TLK1: variants seen among roughly 807,000 people sequenced by gnomAD.
The protein encoded by TLK1 is serine/threonine-protein kinase tousled-like 1.
A neutral mutation model predicts 105.3 loss-of-function variants in TLK1; 24 were observed. The ratio of observed to expected loss-of-function variants is 0.23; its 90% CI spans 0.17 to 0.32. The LOEUF (loss-of-function observed/expected upper bound fraction) is 0.32, where lower values mean the gene tolerates loss of function less well. TLK1 is among the 10% of genes least tolerant of loss of function. The pLI is 1.00. For missense variants in TLK1, 558 were observed against 910.5 expected (o/e 0.61, Z 4.98); for synonymous variants, 321 against 310.4 (o/e 1.03, Z -0.36).
intron 1 of TLK1, among the ~76,000 whole-genome samples, chr2:171,120,729 T>C (rs1276770407): frequency 6.6e-6 from 1 of 152,198 alleles, no homozygotes; most frequent in African/African-American, 2.4e-5. Flanking sequence ...TGCAAAACAG[T>C]ATAGCGGTTC....
chr2:171,018,676 G>A (rs1246529319), intron 12 of TLK1, among the ~76,000 whole-genome samples: 1 of 152,192 alleles, frequency 6.6e-6, no homozygotes, highest in Non-Finnish European at 1.5e-5. Context: ...CAGACGAGTA[G>A]ACTGAAAGGA....
chr2:171,021,821 C>T (rs1449128772), intron 12 of TLK1, among the ~76,000 whole-genome samples: 2 of 152,046 alleles, frequency 1.3e-5, no homozygotes, highest in African/African-American at 2.4e-5. Context: ...CACTGTGGAT[C>T]AGGCACGGTG....
At chr2:171,155,409 CAAG>C (rs1692194999) in intron 1 of TLK1, among the ~76,000 whole-genome samples, 1 of 151,794 alleles carries the variant, frequency 6.6e-6, no homozygotes, top group Non-Finnish European at 1.5e-5. Context: ...CTTGCTGACA[CAAG>C]AAAAGACAGA....
At position 171,191,435 on chromosome 2, in the gene TLK1, C is replaced by A. The variant is rs147701178; in HGVS notation, c.-6+39710G>T. Among the ~76,000 whole-genome samples the A allele has an allele frequency of 1.2e-3, 177 of 151,982 alleles. 2 individuals carry two copies. The East Asian group carries it at 0.018, about 15-fold the overall frequency. ...CTAAAAAAATGAAAATAAAGTTAGC[C>A]GGGCATGGTAGTGTGTGCCTACAGT... On this transcript the variant is annotated intron_variant, in intron 1 of 20. Coordinates refer to the TLK1 transcript ENST00000521943.
chr2:171,115,626 G>T (rs1690390561), intron 2 of TLK1, among the ~76,000 whole-genome samples: 1 of 152,140 alleles, frequency 6.6e-6, no homozygotes, highest in Non-Finnish European at 1.5e-5. Flanking sequence ...ATTATTAGAT[G>T]AATCAGAAAA....
chr2:171,015,888 GACCA>G (rs1685183665), intron 12 of TLK1, among the ~76,000 whole-genome samples: 1 of 152,000 alleles, frequency 6.6e-6, no homozygotes, highest in Admixed American at 6.6e-5. Flanking sequence ...AGACCAGCCT[GACCA>G]ACATGGAGAA....
chr2:171,172,719 C>T (rs1692753487), intron 1 of TLK1, among the ~76,000 whole-genome samples: 3 of 152,160 alleles, frequency 2.0e-5, no homozygotes, highest in Admixed American at 6.5e-5. Context: ...CCTACTTCCC[C>T]TTCGCCTTCC....
intron 1 of TLK1, among the ~76,000 whole-genome samples, chr2:171,225,073 A>T (rs1693874160): frequency 6.6e-6 from 1 of 152,160 alleles, no homozygotes; most frequent in Non-Finnish European, 1.5e-5. Flanking sequence ...AAATGAATCA[A>T]ATATCTCAAG....
chr2:171,164,984 C>T (rs76991255), upstream of TLK1, among the ~76,000 whole-genome samples: 77 of 152,074 alleles, frequency 5.1e-4, no homozygotes, highest in Non-Finnish European at 1.0e-3. Flanking sequence ...GATTAGATGG[C>T]TAGAGTGATA....
chr2:171,214,871 G>A (rs1693683895), intron 1 of TLK1, among the ~76,000 whole-genome samples: 1 of 152,098 alleles, frequency 6.6e-6, no homozygotes, highest in Non-Finnish European at 1.5e-5. Context: ...ATGTTTAAGT[G>A]AGTCAAGACA....
intron 2 of TLK1, 84 bp downstream of exon 2, chr2:171,117,654 AC>A (rs1690490737): frequency 3.8e-6 from 4 of 1,052,676 alleles, no homozygotes; most frequent in Non-Finnish European, 4.2e-6. Context: ...GCTGTTAAGC[AC>A]GTTATGTAGG....
At chr2:170,998,657 C>T (rs558468535) in intron 18 of TLK1, among the ~76,000 whole-genome samples, 16 of 152,304 alleles carry the variant, frequency 1.1e-4, no homozygotes, top group African/African-American at 3.1e-4. Context: ...CACACCAGAC[C>T]GTGAGCAGCT....
At chr2:171,154,832 C>T (rs1233335305) in intron 1 of TLK1, among the ~76,000 whole-genome samples, 3 of 152,192 alleles carry the variant, frequency 2.0e-5, no homozygotes, top group Non-Finnish European at 4.4e-5. Context: ...GCAACAAGTA[C>T]ATGAGGTCTC....
chr2:171,041,098 A>G (rs1027799605), intron 11 of TLK1, among the ~76,000 whole-genome samples: 2 of 152,122 alleles, frequency 1.3e-5, no homozygotes, highest in African/African-American at 4.8e-5. Context: ...AAATCAATGT[A>G]AGTGTCAACA....
intron 1 of TLK1, among the ~76,000 whole-genome samples, chr2:171,129,719 T>C (rs1474140520): frequency 6.6e-6 from 1 of 151,970 alleles, no homozygotes; most frequent in Non-Finnish European, 1.5e-5. Flanking sequence ...TCCGCACCTA[T>C]AGTCCCAGGC....
chr2:171,200,881 CTT>C (rs34320208), intron 1 of TLK1, among the ~76,000 whole-genome samples: 64,308 of 129,154 alleles, frequency 0.5, 16,356 homozygotes, highest in East Asian at 0.64. Context: ...CAGATCCCTT[CTT>C]TTTTTTTTTT....
chr2:171,193,401 T>A, intron 1 of TLK1, among the ~76,000 whole-genome samples: 1 of 104,080 alleles, frequency 9.6e-6, no homozygotes, highest in Non-Finnish European at 2.0e-5. Flanking sequence ...TAGTTTTTCG[T>A]TTTTTTTTTT....
At chr2:171,223,447 T>C (rs544065580) in intron 1 of TLK1, among the ~76,000 whole-genome samples, 2 of 152,222 alleles carry the variant, frequency 1.3e-5, no homozygotes, top group Non-Finnish European at 2.9e-5. Flanking sequence ...ATTTTATGTC[T>C]TCTTTTGATA....
chr2:171,148,756 AG>A (rs1691896143), intron 1 of TLK1, among the ~76,000 whole-genome samples: 1 of 151,484 alleles, frequency 6.6e-6, no homozygotes, highest in African/African-American at 2.4e-5. Context: ...GGTGATGCAT[AG>A]TAGTCCCAGC....
Sources: gnomAD v4.1 joint callset for allele counts (sites outside exome capture counted in the v4.1 genomes callset) on GRCh38, gnomAD v4.1.1 for gene constraint, MANE v1.5 for transcripts, NCBI Gene and HGNC (gene_info 2026-07-23, HGNC 2026-07-21) for gene names.